Variants in TMEM132D observed in about 807,000 individuals in gnomAD.
TMEM132D encodes transmembrane protein 132D.
A neutral mutation model predicts 62.3 loss-of-function variants in TMEM132D; 21 were observed. The observed-to-expected ratio is 0.34, with a 90% confidence interval of 0.24 to 0.49. The LOEUF (loss-of-function observed/expected upper bound fraction) is 0.49. Among genes scored for constraint, TMEM132D ranks in the 20% least tolerant of loss-of-function variants. The pLI, the probability that TMEM132D is intolerant of heterozygous loss-of-function variation, is 0.99. For synonymous variants in TMEM132D, 621 were observed against 575.6 expected, an observed-to-expected ratio of 1.08 and a Z score of -1.13; for missense variants, 1,346 against 1,402.8, an observed-to-expected ratio of 0.96 and a Z score of 0.65.
At chr12:129,195,408 G>A (rs933104260) in intron 5 of TMEM132D, among the ~76,000 whole-genome samples, 8 of 152,072 alleles carry the variant, frequency 5.3e-5, no homozygotes, top group South Asian at 2.1e-4. Flanking sequence ...TTCACTGGGC[G>A]GGAGACAGAA....
In TMEM132D at chr12:129,623,736, C is replaced by CAT. The variant is rs1168069991; in HGVS notation, c.968+76072_968+76073dup. On this transcript the variant is annotated intron_variant, in intron 2 of 8. Coordinates refer to ENST00000422113, the MANE Select transcript of TMEM132D (RefSeq NM_133448.3). The stretch of plus-strand genomic sequence containing the variant: ...ATGCATATATATACATACATATATA[C>CAT]ATATATATACACATATATATACACA... Among the ~76,000 whole-genome samples, 10 of 132,666 alleles carry CAT rather than the reference C, an allele frequency of 7.5e-5. No homozygotes were observed. The East Asian group carries it at 1.7e-3, about 22-fold the overall frequency. The allele number at this position is 132,666 out of a possible 152,430, so 87.0% of individuals were successfully genotyped here. A position where few individuals can be genotyped will look rare whatever the true frequency, so the allele number is the denominator to read the frequency against.
chr12:129,718,667 GTGGTGTTTTAT>G, intron 1 of TMEM132D, among the ~76,000 whole-genome samples: 1 of 152,142 alleles, frequency 6.6e-6, no homozygotes, highest in Non-Finnish European at 1.5e-5. Flanking sequence ...CCATGATACT[GTGGTGTTTTAT>G]TATCCTCATT....
chr12:129,183,005 T>TC (rs2135552060), intron 5 of TMEM132D, among the ~76,000 whole-genome samples: 1 of 152,246 alleles, frequency 6.6e-6, no homozygotes, highest in South Asian at 2.1e-4. Flanking sequence ...TCTCTCTCTC[T>TC]TTGGGGCTAA....
intron 2 of TMEM132D, among the ~76,000 whole-genome samples, chr12:129,611,874 T>C (rs1878783908): frequency 6.6e-6 from 1 of 152,148 alleles, no homozygotes; most frequent in Admixed American, 6.5e-5. Flanking sequence ...TTCCAGCCCC[T>C]TCCCACACAT....
intron 1 of TMEM132D, among the ~76,000 whole-genome samples, chr12:129,869,222 A>T (rs1377679798): frequency 6.6e-6 from 1 of 152,058 alleles, no homozygotes; most frequent in Non-Finnish European, 1.5e-5. Context: ...GTTTAGACAA[A>T]GCATGTTCTT....
At chr12:129,103,766 A>C (rs1452911117) in intron 5 of TMEM132D, among the ~76,000 whole-genome samples, 3 of 152,226 alleles carry the variant, frequency 2.0e-5, no homozygotes, top group Admixed American at 1.3e-4. Context: ...CAGAGAGCCA[A>C]ATCATGAGTG....
At chr12:129,300,726 G>A (rs1318958589) in intron 4 of TMEM132D, among the ~76,000 whole-genome samples, 2 of 152,132 alleles carry the variant, frequency 1.3e-5, no homozygotes, top group South Asian at 2.1e-4. Flanking sequence ...TGCAGTGGAT[G>A]CTTTAAAACA....
intron 5 of TMEM132D, among the ~76,000 whole-genome samples, chr12:129,173,011 A>T (rs1456180389): frequency 6.6e-6 from 1 of 152,152 alleles, no homozygotes; most frequent in East Asian, 1.9e-4. Context: ...TATGGGTGGG[A>T]TTTGTGGGGC....
chr12:129,613,869 A>G (rs1878845048), intron 2 of TMEM132D, among the ~76,000 whole-genome samples: 1 of 151,766 alleles, frequency 6.6e-6, no homozygotes, highest in African/African-American at 2.4e-5. Flanking sequence ...AACCAGCTCC[A>G]GAACCCAGGG....
At chr12:129,166,930 G>A (rs768422233) in intron 5 of TMEM132D, among the ~76,000 whole-genome samples, 3 of 152,020 alleles carry the variant, frequency 2.0e-5, no homozygotes, top group East Asian at 1.9e-4. Context: ...TTGGGAGGCC[G>A]AGGAGGGCAG....
chr12:129,397,902 G>A (rs557931880), intron 3 of TMEM132D, among the ~76,000 whole-genome samples: 4 of 152,288 alleles, frequency 2.6e-5, no homozygotes, highest in South Asian at 4.1e-4. Context: ...AGGCAGAACC[G>A]ACGGCCTTTG....
intron 3 of TMEM132D, among the ~76,000 whole-genome samples, chr12:129,440,573 G>C (rs1872910578): frequency 6.6e-6 from 1 of 152,172 alleles, no homozygotes; most frequent in Admixed American, 6.5e-5. Flanking sequence ...ATAATAGCAT[G>C]GGCATATCTA....
intron 1 of TMEM132D, among the ~76,000 whole-genome samples, chr12:129,834,731 G>A (rs1319903344): frequency 6.6e-6 from 1 of 152,114 alleles, no homozygotes; most frequent in African/African-American, 2.4e-5. Flanking sequence ...CGTCCACAGA[G>A]GGCTCAGGCC....
At chr12:129,493,329 C>T (rs574567978) in intron 3 of TMEM132D, among the ~76,000 whole-genome samples, 1 of 152,230 alleles carries the variant, frequency 6.6e-6, no homozygotes, top group Non-Finnish European at 1.5e-5. Context: ...TATTAGTTCA[C>T]ATTTCTGAGA....
intron 3 of TMEM132D, among the ~76,000 whole-genome samples, chr12:129,519,119 T>C (rs2137079655): frequency 6.6e-6 from 1 of 152,292 alleles, no homozygotes; most frequent in South Asian, 2.1e-4. Context: ...TCCGAGCTCC[T>C]TTTAAGGAAG....
intron 3 of TMEM132D, among the ~76,000 whole-genome samples, chr12:129,392,740 T>A (rs953046982): frequency 6.6e-6 from 1 of 152,198 alleles, no homozygotes; most frequent in Non-Finnish European, 1.5e-5. Flanking sequence ...GTGATTTTGA[T>A]GCACATATAT....
chr12:129,408,738 A>G (rs1871873817), intron 3 of TMEM132D, among the ~76,000 whole-genome samples: 1 of 152,098 alleles, frequency 6.6e-6, no homozygotes, highest in African/African-American at 2.4e-5. Context: ...AGGTATGTAT[A>G]TATCTATCTG....
At chr12:129,374,413 G>T (rs1022656161) in intron 3 of TMEM132D, among the ~76,000 whole-genome samples, 1 of 152,114 alleles carries the variant, frequency 6.6e-6, no homozygotes, top group South Asian at 2.1e-4. Context: ...CACATTGAGG[G>T]TTAGGGCTTC....
chr12:129,607,071 C>CTTT (rs34733158), intron 2 of TMEM132D, among the ~76,000 whole-genome samples: 6 of 143,026 alleles, frequency 4.2e-5, no homozygotes, highest in East Asian at 2.0e-4. Context: ...TTCTTTCTTT[C>CTTT]TTTTTTTTTT....
Sources: gnomAD v4.1 joint callset for allele counts (sites outside exome capture counted in the v4.1 genomes callset) on GRCh38, gnomAD v4.1.1 for gene constraint, MANE v1.5 for transcripts, NCBI Gene and HGNC (gene_info 2026-07-23, HGNC 2026-07-21) for gene names.